TOM1L2: variants seen among roughly 807,000 people sequenced by gnomAD.
The protein encoded by TOM1L2 is TOM1-like protein 2.
In TOM1L2, 31 loss-of-function variants were observed where a neutral mutation model predicts 67.9. That is an observed-to-expected ratio of 0.46 (90% confidence interval 0.34 to 0.62). The LOEUF is 0.62. Among genes scored for constraint, TOM1L2 ranks in the 20% least tolerant of loss-of-function variants. The probability of loss-of-function intolerance (pLI) is 0.01; values close to 1 mark genes in which losing one functional copy is unlikely to be tolerated. For missense variants in TOM1L2, 606 were observed against 663.5 expected, an observed-to-expected ratio of 0.91 and a Z score of 0.95; for synonymous variants, 256 against 254.0, an observed-to-expected ratio of 1.01 and a Z score of -0.07.
intron 1 of TOM1L2, among the ~76,000 whole-genome samples, chr17:17,957,220 ATCC>A (rs1269703687): frequency 6.6e-6 from 1 of 152,222 alleles, no homozygotes; most frequent in Non-Finnish European, 1.5e-5. Flanking sequence ...GCCTCAAGCA[ATCC>A]TCCTGCCTTG....
intron 12 of TOM1L2, chr17:17,851,185 G>A (rs2035956228): frequency 1.8e-6 from 1 of 553,152 alleles, no homozygotes; most frequent in Non-Finnish European, 3.3e-6. Context: ...TCCCGGCAGG[G>A]CCGGCGGTAA....
At chr17:17,960,778 GA>G (rs2041646419) in intron 1 of TOM1L2, among the ~76,000 whole-genome samples, 1 of 152,190 alleles carries the variant, frequency 6.6e-6, no homozygotes, top group Admixed American at 6.5e-5. Context: ...GGGAATTAAA[GA>G]AAAGAATGCA....
intron 13 of TOM1L2, 102 bp from the exon 14 acceptor site, chr17:17,848,961 G>C: frequency 1.7e-6 from 2 of 1,160,738 alleles, no homozygotes; most frequent in Non-Finnish European, 2.5e-6. Flanking sequence ...GCACTGCCCA[G>C]GGTAGCCTGA....
chr17:17,912,242 C>G (rs1432568396), intron 1 of TOM1L2, among the ~76,000 whole-genome samples: 1 of 150,508 alleles, frequency 6.6e-6, no homozygotes, highest in African/African-American at 2.4e-5. Flanking sequence ...TGGGCAGAGG[C>G]GCCCCTCACC....
intron 1 of TOM1L2, among the ~76,000 whole-genome samples, chr17:17,935,289 C>T (rs2040475385): frequency 6.6e-6 from 1 of 152,240 alleles, no homozygotes; most frequent in Admixed American, 6.5e-5. Flanking sequence ...GCTCTATTCT[C>T]TATACATCTT....
chr17:17,883,588 G>A (rs1249499137), intron 5 of TOM1L2, among the ~76,000 whole-genome samples: 2 of 152,278 alleles, frequency 1.3e-5, no homozygotes, highest in East Asian at 3.9e-4. Flanking sequence ...CAAAAAATTA[G>A]CCAGGCATGG....
chr17:17,933,672 C>T (rs555142678), intron 1 of TOM1L2, among the ~76,000 whole-genome samples: 5 of 152,238 alleles, frequency 3.3e-5, no homozygotes, highest in Admixed American at 2.6e-4. Flanking sequence ...AATGTTTAGC[C>T]TGGTGGAGCC....
At chr17:17,883,141 G>T (rs1280520483) in intron 5 of TOM1L2, among the ~76,000 whole-genome samples, 1 of 152,200 alleles carries the variant, frequency 6.6e-6, no homozygotes, top group Non-Finnish European at 1.5e-5. Flanking sequence ...AGAGTGCTCT[G>T]TGAGCCCTCT....
chr17:17,955,916 G>A (rs1036388228), intron 1 of TOM1L2, among the ~76,000 whole-genome samples: 4 of 152,166 alleles, frequency 2.6e-5, no homozygotes, highest in African/African-American at 9.7e-5. Flanking sequence ...TTAAGGCAGC[G>A]TGTCTGAAGT....
At chr17:17,855,269 G>A (rs2036199253) in intron 12 of TOM1L2, among the ~76,000 whole-genome samples, 1 of 152,184 alleles carries the variant, frequency 6.6e-6, no homozygotes, top group Non-Finnish European at 1.5e-5. Context: ...CCAGGGGTTA[G>A]GATTATCCTT....
chr17:17,940,192 CAAAA>C (rs34433429), intron 1 of TOM1L2, among the ~76,000 whole-genome samples: 275 of 32,580 alleles, frequency 8.4e-3, no homozygotes, highest in Non-Finnish European at 0.014. Flanking sequence ...GACTCTATCT[CAAAA>C]AAAAAAAAAA....
chr17:17,937,361 T>A (rs2040551476), intron 1 of TOM1L2, among the ~76,000 whole-genome samples: 1 of 152,208 alleles, frequency 6.6e-6, no homozygotes. Context: ...GTAGCCTGTG[T>A]GCCAATATCC....
chr17:17,960,613 C>T (rs754681097), intron 1 of TOM1L2, among the ~76,000 whole-genome samples: 4 of 152,170 alleles, frequency 2.6e-5, no homozygotes, highest in Admixed American at 2.0e-4. Context: ...ACTAGTATTA[C>T]AGGCATGAGC....
At chr17:17,888,672 T>C (rs914315656) in intron 4 of TOM1L2, among the ~76,000 whole-genome samples, 4 of 152,322 alleles carry the variant, frequency 2.6e-5, no homozygotes, top group East Asian at 1.9e-4. Flanking sequence ...GTTCACTTTC[T>C]TCAGTGGAAA....
chr17:17,882,644 C>T, intron 6 of TOM1L2, 61 bp downstream of exon 6: 1 of 1,594,178 alleles, frequency 6.3e-7, no homozygotes, highest in South Asian at 1.1e-5. Context: ...GTAAGTGTCT[C>T]CCAGAAAGAT....
chr17:17,902,554 T>TGAA (rs1448891652), intron 2 of TOM1L2, among the ~76,000 whole-genome samples: 1 of 152,218 alleles, frequency 6.6e-6, no homozygotes, highest in Non-Finnish European at 1.5e-5. Flanking sequence ...AGGCTGTCAC[T>TGAA]ACCATATAGA....
chr17:17,934,299 T>G (rs916170214), intron 1 of TOM1L2, among the ~76,000 whole-genome samples: 5 of 152,108 alleles, frequency 3.3e-5, no homozygotes, highest in Non-Finnish European at 7.4e-5. Flanking sequence ...GTGTTGAAAT[T>G]AGCCAGATAT....
intron 1 of TOM1L2, among the ~76,000 whole-genome samples, chr17:17,944,334 T>C (rs148500340): frequency 0.013 from 1,984 of 152,354 alleles, 13 homozygotes; most frequent in Non-Finnish European, 0.022. Flanking sequence ...CTTGCTGCGG[T>C]GCCCTTCATG....
chr17:17,954,112 C>G (rs1023408385), intron 1 of TOM1L2, among the ~76,000 whole-genome samples: 6 of 152,172 alleles, frequency 3.9e-5, no homozygotes, highest in Non-Finnish European at 8.8e-5. Context: ...GTGGGAAGAT[C>G]TAGGTTAGGT....
Sources: allele counts gnomAD v4.1 joint callset (sites outside exome capture counted in the v4.1 genomes callset), GRCh38; gene constraint gnomAD v4.1.1; transcripts MANE v1.5; gene names NCBI Gene and HGNC (gene_info 2026-07-23, HGNC 2026-07-21).